Variants in POLR2E observed in about 807,000 individuals in gnomAD.
POLR2E encodes DNA-directed RNA polymerases I, II, and III subunit RPABC1.
In POLR2E, 35 loss-of-function variants were observed where a neutral mutation model predicts 29.8. The observed-to-expected ratio is 1.17, with a 90% CI of 0.90 to 1.55. The LOEUF (loss-of-function observed/expected upper bound fraction) is 1.55, where lower values mean the gene tolerates loss of function less well. Among genes scored for constraint, POLR2E ranks in the 40% most tolerant of loss-of-function variants. The probability of loss-of-function intolerance (pLI) is 0.00; values close to 1 mark genes in which losing one functional copy is unlikely to be tolerated. For missense variants in POLR2E, 287 were observed against 288.6 expected (o/e 0.99, Z 0.04); for synonymous variants, 174 against 112.6 (o/e 1.55, Z -3.45).
chr19:1,094,289 G>T, intron 1 of POLR2E: 1 of 527,982 alleles, frequency 1.9e-6, no homozygotes, highest in Non-Finnish European at 3.3e-6. Flanking sequence ...GGCTCCCAGA[G>T]ATGTCCAGCC....
chr19:1,091,871 T>C lies in POLR2E; in HGVS notation c.269A>G (p.Tyr90Cys), dbSNP rs1340238529. Residue 90 changes from tyrosine to cysteine, a missense_variant, in exon 3 of 8, where the codon TAC becomes TGC. Tyr to Cys is a radical substitution (Grantham distance 194). Coordinates refer to ENST00000615234, the MANE Select transcript of POLR2E (RefSeq NM_002695.5). ...PKVGIKTIKV[Y>C]CQRMQEENIT... Reference sequence around the variant, plus strand: ...GTTCTCCTCCTGCATGCGCTGGCAGTACACCTTGATGGTCTTGATGCCCAC... The same window carrying C: ...GTTCTCCTCCTGCATGCGCTGGCAGCACACCTTGATGGTCTTGATGCCCAC... The C allele has an allele frequency of 1.5e-5, 24 of 1,612,968 alleles. No individual in the cohort carries two copies. Among genetic ancestry groups the C allele is most frequent in the Non-Finnish European group, 1.9e-5 (22 of 1,179,674 alleles).
intron 2 of POLR2E, among the ~76,000 whole-genome samples, chr19:1,093,100 C>T (rs1002635680): frequency 6.0e-5 from 9 of 149,148 alleles, no homozygotes; most frequent in East Asian, 2.1e-4. Flanking sequence ...GCAGGAGAAT[C>T]GCTTGAACTC....
rs556655081 is a variant in POLR2E at position 1,089,966 on chromosome 19, C to G, written c.489-4G>C. The stretch of plus-strand genomic sequence containing the variant: ...CAGCTGGTTCTCTCGGAGCTTACTG[C>G]GAAGCACCGTCAGGAAAATGCCAGA... On this transcript the variant is annotated splice_polypyrimidine_tract_variant and splice_region_variant and intron_variant, in intron 5 of 7. Transcript: ENST00000615234. 6.2e-7 allele frequency: 1 copy of G among 1,604,268 alleles called. No homozygotes were observed. Among genetic ancestry groups the G allele is most frequent in the Non-Finnish European group, 8.5e-7 (1 of 1,177,514 alleles).
rs900422974 is a variant in POLR2E, at chr19:1,086,719, G to C, written c.*2016C>G. ...CCAGGGAGGGGACAGAGAGAGCCCC[G>C]TGGCGTGGCCCTGGGCCTCCCCCTA... On this transcript the variant is annotated 3_prime_UTR_variant, in exon 8 of 8. Transcript: ENST00000615234. 1 of 152,314 alleles carries C rather than the reference G, an allele frequency of 6.6e-6. No individual in the cohort carries two copies. The highest frequency in any genetic ancestry group is 1.5e-5 in the Non-Finnish European group (1 of 68,012). 9.4% of individuals were successfully genotyped at this position (152,314 alleles called of 1,614,324 possible). A position where few individuals can be genotyped will look rare whatever the true frequency, so the allele number is the denominator to read the frequency against.
At position 1,094,049 on chromosome 19, in the gene POLR2E, G is replaced by A. The variant is rs201430483; in HGVS notation, c.87C>T (p.Thr29=). The A allele has an allele frequency of 1.9e-5, 31 of 1,613,018 alleles. 2 individuals carry two copies. The African/African-American group carries it at 2.8e-4, about 15-fold the overall frequency. Residue 29 remains threonine, a synonymous_variant, in exon 2 of 8, where the codon ACC becomes ACT. Coordinates refer to ENST00000615234, the MANE Select transcript of POLR2E (RefSeq NM_002695.5). ...QLCHDRGYLV[T]QDELDQTLEE... Reference sequence around the variant, plus strand: ...CCAGGGTCTGGTCAAGCTCGTCCTGGGTCACCAGATAGCCACGGTCGTGGC... The same window carrying A: ...CCAGGGTCTGGTCAAGCTCGTCCTGAGTCACCAGATAGCCACGGTCGTGGC...
In POLR2E at chr19:1,089,566, A is replaced by C. The variant is rs2043784237; in HGVS notation, c.568-15T>G. The C allele has an allele frequency of 4.3e-6, 7 of 1,611,462 alleles. No individual in the cohort carries two copies. Among genetic ancestry groups the C allele is most frequent in the Non-Finnish European group, 5.9e-6 (7 of 1,177,886 alleles). On this transcript the variant is annotated splice_polypyrimidine_tract_variant and intron_variant, in intron 6 of 7. Transcript: ENST00000615234. ...ATCTTCACCACCTGCAGAGACAGAG[A>C]GCAGGGGCTGCGAATGCTTGAGGGG...
At chr19:1,090,862 A>G in intron 4 of POLR2E, 46 bp downstream of exon 4, 1 of 1,545,838 alleles carries the variant, frequency 6.5e-7, no homozygotes, top group Non-Finnish European at 8.9e-7. Flanking sequence ...CAAACGCTGC[A>G]TCTCTGCCGG....
intron 5 of POLR2E, 46 bp from the exon 6 acceptor site, chr19:1,090,008 G>A (rs780308784): frequency 9.3e-5 from 138 of 1,481,760 alleles, no homozygotes; most frequent in South Asian, 8.0e-5. Context: ...CGTTGGGGGG[G>A]CAGGGGTGTG....
intron 1 of POLR2E, chr19:1,095,046 C>A: frequency 5.6e-6 from 3 of 534,252 alleles, no homozygotes; most frequent in Admixed American, 3.4e-5. Context: ...AAGCACCGCA[C>A]CCAGACGTCT....
intron 2 of POLR2E, among the ~76,000 whole-genome samples, chr19:1,093,198 CAA>C (rs976876572): frequency 6.8e-6 from 1 of 146,746 alleles, no homozygotes; most frequent in African/African-American, 2.5e-5. Flanking sequence ...AAAACAAAAA[CAA>C]AAAAAAAACA....
At chr19:1,089,705 A>C in intron 6 of POLR2E, 154 bp from the exon 7 acceptor site, 1 of 796,596 alleles carries the variant, frequency 1.3e-6, no homozygotes, top group Non-Finnish European at 2.1e-6. Context: ...AACCTGGGTC[A>C]CGCTCTTCTC....
chr19:1,089,967 G>T lies in POLR2E; in HGVS notation c.489-5C>A, dbSNP rs200721795. On this transcript the variant is annotated splice_polypyrimidine_tract_variant and splice_region_variant and intron_variant, in intron 5 of 7. Transcript: ENST00000615234. ...AGCTGGTTCTCTCGGAGCTTACTGCGAAGCACCGTCAGGAAAATGCCAGAC... is the reference window on the plus strand; with the variant it reads ...AGCTGGTTCTCTCGGAGCTTACTGCTAAGCACCGTCAGGAAAATGCCAGAC... The T allele has an allele frequency of 2.0e-6, 3 of 1,534,418 alleles. No individual in the cohort carries two copies. The highest frequency in any genetic ancestry group is 2.6e-6 in the Non-Finnish European group (3 of 1,133,840).
At position 1,095,347 on chromosome 19, in the gene POLR2E, C is replaced by G. The variant is rs771115769; in HGVS notation, c.-32G>C. 3 of 1,611,860 alleles carry G rather than the reference C, an allele frequency of 1.9e-6. No individual in the cohort carries two copies. The highest frequency in any genetic ancestry group is 3.3e-5 in the Admixed American group (2 of 59,954). On this transcript the variant is annotated 5_prime_UTR_variant, in exon 1 of 8. Coordinates refer to ENST00000615234, the MANE Select transcript of POLR2E (RefSeq NM_002695.5). Reference sequence around the variant, plus strand: ...CTCCGCCGCCGCCGCCGCTCGCACCCCTTCTCCGCGCGAGAACCCGCGCGG... The same window carrying G: ...CTCCGCCGCCGCCGCCGCTCGCACCGCTTCTCCGCGCGAGAACCCGCGCGG...
At chr19:1,092,262 G>C (rs1275880918) in intron 2 of POLR2E, 2 of 225,698 alleles carry the variant, frequency 8.9e-6, no homozygotes, top group Non-Finnish European at 1.8e-5. Flanking sequence ...TCACACCCCA[G>C]GACGCTCTCT....
intron 4 of POLR2E, among the ~76,000 whole-genome samples, chr19:1,090,567 G>A (rs952300648): frequency 2.7e-5 from 4 of 147,582 alleles, no homozygotes; most frequent in East Asian, 4.0e-4. Context: ...ACAGGCGCTC[G>A]CCACCACGCC....
intron 1 of POLR2E, 134 bp downstream of exon 1, chr19:1,095,124 TG>T: frequency 1.1e-6 from 1 of 903,706 alleles, no homozygotes; most frequent in Admixed American, 2.5e-5. Flanking sequence ...CGGCGACCTC[TG>T]GGCCTCCCGT....
intron 3 of POLR2E, chr19:1,091,588 G>A (rs1415236776): frequency 8.6e-6 from 5 of 579,516 alleles, no homozygotes; most frequent in Non-Finnish European, 1.6e-5. Flanking sequence ...AGAGCTGGGG[G>A]AGGACGGCGG....
chr19:1,093,017 C>T (rs2043870261), intron 2 of POLR2E, among the ~76,000 whole-genome samples: 1 of 151,904 alleles, frequency 6.6e-6, no homozygotes, highest in South Asian at 2.1e-4. Context: ...GAAACCTCAT[C>T]TCTACTAAAA....
At position 1,095,343 on chromosome 19, in the gene POLR2E, C is replaced by CA. The variant is rs1268992799; in HGVS notation, c.-29dup. 3 of 1,612,032 alleles carry CA rather than the reference C, an allele frequency of 1.9e-6. No individual in the cohort carries two copies. The highest frequency in any genetic ancestry group is 2.7e-5 in the African/African-American group (2 of 74,880). On this transcript the variant is annotated 5_prime_UTR_variant, in exon 1 of 8. Coordinates refer to ENST00000615234, the MANE Select transcript of POLR2E (RefSeq NM_002695.5). ...CAGCCTCCGCCGCCGCCGCCGCTCG[C>CA]ACCCCTTCTCCGCGCGAGAACCCGC...
Sources: allele counts gnomAD v4.1 joint callset (sites outside exome capture counted in the v4.1 genomes callset), GRCh38; gene constraint gnomAD v4.1.1; transcripts MANE v1.5; gene names NCBI Gene and HGNC (gene_info 2026-07-23, HGNC 2026-07-21).